Variants in PKD1L1 observed in about 807,000 individuals in gnomAD.
The protein encoded by PKD1L1 is polycystin 1 like 1, transient receptor potential channel interacting.
Under a neutral mutation model 323.4 loss-of-function variants are expected in PKD1L1, and 236 were observed. That is an observed-to-expected ratio of 0.73 (90% CI 0.66 to 0.81). PKD1L1 has a LOEUF of 0.81. PKD1L1 is among the 40% of genes least tolerant of loss of function. The pLI is 0.00. For missense variants in PKD1L1, 3,320 were observed against 3,508.0 expected, an observed-to-expected ratio of 0.95 and a Z score of 1.35; for synonymous variants, 1,344 against 1,335.0, an observed-to-expected ratio of 1.01 and a Z score of -0.15.
intron 45 of PKD1L1, among the ~76,000 whole-genome samples, chr7:47,822,906 A>G (rs1785175072): frequency 6.7e-6 from 1 of 150,142 alleles, no homozygotes; most frequent in Non-Finnish European, 1.5e-5. Context: ...TTTTATATTG[A>G]CTTGTGTCTT....
At position 47,822,952 on chromosome 7, in the gene PKD1L1, C is replaced by G. The variant is rs145436817; in HGVS notation, c.6855-1766G>C. On this transcript the variant is annotated intron_variant, in intron 45 of 56. Coordinates refer to ENST00000289672, the MANE Select transcript of PKD1L1 (RefSeq NM_138295.5). Reference sequence around the variant, plus strand: ...TAAATTCACTTATTAGTTCCAGAACCCTTTTTTTTTTTGTAAATTATTTGG... The same window carrying G: ...TAAATTCACTTATTAGTTCCAGAACGCTTTTTTTTTTTGTAAATTATTTGG... Among the ~76,000 whole-genome samples, 5 of 140,530 alleles carry G rather than the reference C, an allele frequency of 3.6e-5. No individual in the cohort carries two copies. In the East Asian group the frequency reaches 8.3e-4, roughly 23 times the overall value. 92.2% of individuals were successfully genotyped at this position (140,530 alleles called of 152,430 possible).
At chr7:47,928,483 T>A (rs1360243540) in intron 7 of PKD1L1, among the ~76,000 whole-genome samples, 2 of 152,036 alleles carry the variant, frequency 1.3e-5, no homozygotes, top group Non-Finnish European at 2.9e-5. Flanking sequence ...GGCGGGAGGA[T>A]CCCTTGAACC....
chr7:47,925,539 AT>A (rs1787640321), intron 7 of PKD1L1, among the ~76,000 whole-genome samples: 1 of 152,152 alleles, frequency 6.6e-6, no homozygotes, highest in South Asian at 2.1e-4. Flanking sequence ...AACCTACTGA[AT>A]GGACCCCTCC....
chr7:47,831,402 T>C (rs766899353), intron 41 of PKD1L1, 50 bp from the exon 42 acceptor site: 1 of 1,570,566 alleles, frequency 6.4e-7, no homozygotes, highest in Admixed American at 1.9e-5. Context: ...CCTCGGCATC[T>C]CCATCCACGC....
At chr7:47,796,200 A>T in intron 54 of PKD1L1, 50 bp from the exon 55 acceptor site, 1 of 1,448,086 alleles carries the variant, frequency 6.9e-7, no homozygotes, top group Non-Finnish European at 9.4e-7. Context: ...CAGCCTAAAT[A>T]AAGAGCTTTG....
intron 46 of PKD1L1, among the ~76,000 whole-genome samples, chr7:47,820,004 C>T (rs530546416): frequency 6.6e-6 from 1 of 152,154 alleles, no homozygotes; most frequent in African/African-American, 2.4e-5. Flanking sequence ...ACTCCTGGAA[C>T]ACACTGAATT....
rs559006385 is a variant in PKD1L1 at position 47,922,821 on chromosome 7, C to T, written c.1060+6383G>A. Among the ~76,000 whole-genome samples, 35 of 152,376 alleles carry T rather than the reference C, an allele frequency of 2.3e-4. No homozygotes were observed. In the East Asian group the frequency reaches 5.6e-3, roughly 24 times the overall value. On this transcript the variant is annotated intron_variant, in intron 7 of 56. Coordinates refer to ENST00000289672, the MANE Select transcript of PKD1L1 (RefSeq NM_138295.5). ...GGGGAGCCCCTCTGCCCGGCCGCCA[C>T]CCTGTCTGGGAGGTGTACGCAACAG...
intron 7 of PKD1L1, among the ~76,000 whole-genome samples, chr7:47,924,785 G>C (rs1787626487): frequency 6.6e-6 from 1 of 152,178 alleles, no homozygotes; most frequent in African/African-American, 2.4e-5. Context: ...AGTCATGCTA[G>C]ATCACTCTTA....
At chr7:47,799,564 A>C (rs1784616232) in intron 54 of PKD1L1, among the ~76,000 whole-genome samples, 1 of 152,192 alleles carries the variant, frequency 6.6e-6, no homozygotes, top group African/African-American at 2.4e-5. Flanking sequence ...GCAGACAAAA[A>C]CCAATAGCAC....
At chr7:47,950,845 C>T (rs1413785686), upstream of PKD1L1, among the ~76,000 whole-genome samples, 2 of 152,202 alleles carry the variant, frequency 1.3e-5, no homozygotes, top group East Asian at 1.9e-4. Flanking sequence ...TGGGCAGCCT[C>T]GCCTTTTTCC....
chr7:47,885,641 G>T, intron 18 of PKD1L1, 45 bp downstream of exon 18: 1 of 1,563,522 alleles, frequency 6.4e-7, no homozygotes, highest in Non-Finnish European at 8.7e-7. Context: ...AGGTAACTTT[G>T]GTGCCTAGAC....
At chr7:47,834,115 G>A (rs2128736147) in intron 40 of PKD1L1, among the ~76,000 whole-genome samples, 1 of 147,750 alleles carries the variant, frequency 6.8e-6, no homozygotes, top group Non-Finnish European at 1.5e-5. Context: ...CCCACCTGGA[G>A]AGCCGGGTTG....
intron 32 of PKD1L1, among the ~76,000 whole-genome samples, chr7:47,845,863 G>A (rs967079779): frequency 6.6e-6 from 1 of 152,186 alleles, no homozygotes; most frequent in African/African-American, 2.4e-5. Flanking sequence ...TTACAGGCAT[G>A]AGCCACCACG....
intron 56 of PKD1L1, among the ~76,000 whole-genome samples, chr7:47,777,407 T>C (rs1479307861): frequency 1.3e-5 from 2 of 152,160 alleles, no homozygotes; most frequent in Non-Finnish European, 2.9e-5. Context: ...GTAGCAGATA[T>C]CCTGCAACCA....
rs758418576 is a variant in PKD1L1 at position 47,845,020 on chromosome 7, C to T, written c.5212G>A (p.Val1738Met). 21 of 1,613,900 alleles carry T rather than the reference C, an allele frequency of 1.3e-5. No individual in the cohort carries two copies. The highest frequency in any genetic ancestry group is 2.2e-5 in the South Asian group (2 of 91,042). Residue 1738 changes from valine (V) to methionine (M), a missense_variant, in exon 33 of 57, where the codon GTG becomes ATG. By Grantham distance (21) the Val-to-Met change is conservative. Transcript: ENST00000289672. Reference protein sequence around the residue: ...LRRKLKASFEVSDISKLQSHP... With the variant: ...LRRKLKASFEMSDISKLQSHP... ...CTCTGTAGCTTGGAAATGTCACTCACTTCAAAACTGGCCTTCAGCTTTCTC... is the reference window on the plus strand; with the variant it reads ...CTCTGTAGCTTGGAAATGTCACTCATTTCAAAACTGGCCTTCAGCTTTCTC...
Position 47,835,726 on chromosome 7 carries a change from TGTTCAATATTC to T in PKD1L1, c.5944-494_5944-484del, listed in dbSNP as rs554674449. 4.6e-4 allele frequency among the ~76,000 whole-genome samples: 70 copies of T among 152,268 alleles called. 1 individual carries two copies. The South Asian group carries it at 0.014, about 30-fold the overall frequency. ...ACAATTCAATTTAAATAATGCTTCA[TGTTCAATATTC>T]GTTCTAAGAAAAAAATAGAACTATA... On this transcript the variant is annotated intron_variant, in intron 37 of 56. Transcript: ENST00000289672.
chr7:47,954,950 C>T, the PKD1L1 span, among the ~76,000 whole-genome samples: 1 of 152,204 alleles, frequency 6.6e-6, no homozygotes, highest in East Asian at 1.9e-4. Context: ...CGAATAGGAA[C>T]TAGATTCCAG....
chr7:47,944,079 C>T (rs920480651), intron 1 of PKD1L1, among the ~76,000 whole-genome samples: 2 of 152,220 alleles, frequency 1.3e-5, no homozygotes, highest in African/African-American at 4.8e-5. Flanking sequence ...CGTGCAGTTA[C>T]TTTTTCAGAT....
chr7:47,835,753 T>C (rs757983182), intron 37 of PKD1L1, among the ~76,000 whole-genome samples: 1 of 152,004 alleles, frequency 6.6e-6, no homozygotes, highest in Admixed American at 6.6e-5. Context: ...AAGAAAAAAA[T>C]AGAACTATAT....
Sources: allele counts gnomAD v4.1 joint callset (sites outside exome capture counted in the v4.1 genomes callset), GRCh38; gene constraint gnomAD v4.1.1; transcripts MANE v1.5; gene names NCBI Gene and HGNC (gene_info 2026-07-23, HGNC 2026-07-21).